SPATA31H1: variants seen among roughly 807,000 people sequenced by gnomAD.
SPATA31H1 encodes spermatogenesis-associated protein 31H1.
At chr2:27,555,329 A>G in the SPATA31H1 span, among the ~76,000 whole-genome samples, 5 of 151,934 alleles carry the variant, frequency 3.3e-5, no homozygotes, top group Non-Finnish European at 7.3e-5. Context: ...TCTTTGACTG[A>G]AAATTTCTCT....
At chr2:27,578,694 G>C in the SPATA31H1 span, 1 of 1,614,114 alleles carries the variant, frequency 6.2e-7, no homozygotes. Context: ...TCTAGGACAC[G>C]TGTGTCAGAA....
chr2:27,544,155 C>T, the SPATA31H1 span, among the ~76,000 whole-genome samples: 3 of 152,046 alleles, frequency 2.0e-5, no homozygotes, highest in African/African-American at 7.3e-5. Flanking sequence ...AATACAATTT[C>T]TTTCTACATA....
the SPATA31H1 span, among the ~76,000 whole-genome samples, chr2:27,538,008 G>C: frequency 2.0e-5 from 3 of 152,104 alleles, no homozygotes; most frequent in Non-Finnish European, 2.9e-5. Context: ...TTTTAAAAAA[G>C]AGGGAATACA....
the SPATA31H1 span, chr2:27,567,878 GA>G: frequency 2.5e-6 from 1 of 399,002 alleles, no homozygotes; most frequent in Non-Finnish European, 4.4e-6. Context: ...ATTCAATGGG[GA>G]TGATCCCAGA....
chr2:27,581,180 C>A, the SPATA31H1 span: 1 of 1,614,254 alleles, frequency 6.2e-7, no homozygotes, highest in African/African-American at 1.3e-5. Context: ...AACTCACACA[C>A]AAGGAGCATA....
At chr2:27,581,879 C>T in the SPATA31H1 span, 8 of 1,611,618 alleles carry the variant, frequency 5.0e-6, no homozygotes, top group African/African-American at 2.7e-5. Flanking sequence ...ATTGCAGTCC[C>T]TCTGAGAGAA....
chr2:27,573,717 C>T, the SPATA31H1 span: 4 of 398,336 alleles, frequency 1.0e-5, no homozygotes, highest in Non-Finnish European at 1.8e-5. Flanking sequence ...CAAAGTGAAA[C>T]CCTTGGAGGC....
the SPATA31H1 span, among the ~76,000 whole-genome samples, chr2:27,540,006 G>A: frequency 8.0e-6 from 1 of 124,902 alleles, no homozygotes; most frequent in Admixed American, 8.0e-5. Context: ...GCGGCTGGCC[G>A]GGCGGGGGGC....
the SPATA31H1 span, among the ~76,000 whole-genome samples, chr2:27,551,795 A>T: frequency 1.3e-5 from 2 of 151,950 alleles, no homozygotes; most frequent in Non-Finnish European, 2.9e-5. Flanking sequence ...TCTGAAAACT[A>T]CTTTCACAGC....
chr2:27,581,737 C>T, the SPATA31H1 span: 2 of 1,613,098 alleles, frequency 1.2e-6, no homozygotes, highest in African/African-American at 1.3e-5. Context: ...CGCAGTCCCG[C>T]TCGGAGGAGC....
chr2:27,548,365 TG>T, the SPATA31H1 span, among the ~76,000 whole-genome samples: 1 of 151,878 alleles, frequency 6.6e-6, no homozygotes, highest in Non-Finnish European at 1.5e-5. Flanking sequence ...CCCAGCACTT[TG>T]GGAGACTGAG....
chr2:27,561,634 G>A, the SPATA31H1 span, among the ~76,000 whole-genome samples: 1 of 151,942 alleles, frequency 6.6e-6, no homozygotes, highest in African/African-American at 2.4e-5. Flanking sequence ...TATACTTGGA[G>A]TCCACCTCTA....
chr2:27,576,354 A>G, the SPATA31H1 span: 1 of 502,732 alleles, frequency 2.0e-6, no homozygotes, highest in African/African-American at 1.9e-5. Context: ...GCTGCAAGGT[A>G]TGAATTCTGA....
At chr2:27,567,931 G>A in the SPATA31H1 span, 28 of 398,834 alleles carry the variant, frequency 7.0e-5, no homozygotes, top group Non-Finnish European at 4.0e-5. Flanking sequence ...CAGCTGCCAA[G>A]TCAAGTTGTG....
the SPATA31H1 span, chr2:27,577,978 G>A: frequency 6.2e-7 from 1 of 1,614,112 alleles, no homozygotes; most frequent in Non-Finnish European, 8.5e-7. The surrounding 1 kb of genome is among the most constrained non-coding windows in gnomAD (Gnocchi z 4.5). Context: ...GGACCACTGG[G>A]TCGAATTGTA....
the SPATA31H1 span, chr2:27,581,710 C>T: frequency 2.5e-6 from 4 of 1,613,268 alleles, no homozygotes; most frequent in Non-Finnish European, 3.4e-6. Flanking sequence ...CATCACAGTC[C>T]CTCTAAGAGA....
At chr2:27,555,389 G>A in the SPATA31H1 span, among the ~76,000 whole-genome samples, 1 of 151,980 alleles carries the variant, frequency 6.6e-6, no homozygotes, top group East Asian at 1.9e-4. Context: ...AAAAGTCTAA[G>A]AGCCATGTGC....
At chr2:27,560,168 T>G in the SPATA31H1 span, among the ~76,000 whole-genome samples, 1 of 152,180 alleles carries the variant, frequency 6.6e-6, no homozygotes, top group Admixed American at 6.5e-5. Context: ...GCCTGGCATT[T>G]TATTTCTTTA....
chr2:27,570,004 C>T, the SPATA31H1 span: 1 of 398,900 alleles, frequency 2.5e-6, no homozygotes, highest in Non-Finnish European at 4.4e-6. Context: ...GATTTTATCC[C>T]AGAGCCAACA....
Sources: allele counts gnomAD v4.1 joint callset (sites outside exome capture counted in the v4.1 genomes callset), GRCh38; gene constraint gnomAD v4.1.1; non-coding constraint Gnocchi (gnomAD v3.1); transcripts MANE v1.5; gene names NCBI Gene and HGNC (gene_info 2026-07-23, HGNC 2026-07-21).